The following ST6GALNAC6 variants were observed in gnomAD, a reference collection of about 807,000 sequenced individuals.
The protein encoded by ST6GALNAC6 is ST6 N-acetylgalactosaminide alpha-2,6-sialyltransferase 6.
ST6GALNAC6 carries 19 observed loss-of-function variants against 34.3 expected under a neutral mutation model. The ratio of observed to expected loss-of-function variants is 0.55; its 90% CI spans 0.39 to 0.81. ST6GALNAC6 has a LOEUF of 0.81. ST6GALNAC6 is among the 40% of genes least tolerant of loss of function. The pLI, the probability that ST6GALNAC6 is intolerant of heterozygous loss-of-function variation, is 0.00. For missense variants in ST6GALNAC6, 377 were observed against 467.7 expected (o/e 0.81, Z 1.79); for synonymous variants, 185 against 182.1 (o/e 1.02, Z -0.13).
At chr9:127,894,795 G>T in intron 3 of ST6GALNAC6, 104 bp from the exon 4 acceptor site, 2 of 1,338,454 alleles carry the variant, frequency 1.5e-6, no homozygotes, top group Non-Finnish European at 1.0e-6. Flanking sequence ...TTTTGTTGCA[G>T]ACCAGGTCAG....
chr9:127,902,106 C>CA (rs1445956831), upstream of ST6GALNAC6, among the ~76,000 whole-genome samples: 1 of 151,916 alleles, frequency 6.6e-6, no homozygotes, highest in South Asian at 2.1e-4. Flanking sequence ...TTAAAAGATG[C>CA]AAAAAAATAA....
At position 127,888,669 on chromosome 9, in the gene ST6GALNAC6, G is replaced by T. The variant is rs186412873; in HGVS notation, c.705-1078C>A. Among the ~76,000 whole-genome samples the T allele has an allele frequency of 5.4e-4, 82 of 152,130 alleles. No homozygotes were observed. The East Asian group carries it at 0.011, about 21-fold the overall frequency. On this transcript the variant is annotated intron_variant, in intron 5 of 6. Coordinates refer to ENST00000373146, the MANE Select transcript of ST6GALNAC6 (RefSeq NM_013443.5). ...TAAAAATACAAAAATTAGCTGGCGT[G>T]GTGGCACGTGCCTGTGATTCCAGCT...
At chr9:127,889,817 T>A (rs1830029765) in intron 5 of ST6GALNAC6, among the ~76,000 whole-genome samples, 1 of 152,216 alleles carries the variant, frequency 6.6e-6, no homozygotes, top group Non-Finnish European at 1.5e-5. Context: ...TTAATGCCAT[T>A]TATAATAGCT....
At chr9:127,891,833 A>T (rs919577498) in intron 4 of ST6GALNAC6, among the ~76,000 whole-genome samples, 1 of 150,850 alleles carries the variant, frequency 6.6e-6, no homozygotes, top group Admixed American at 6.6e-5. Context: ...CCAAAGAGCG[A>T]CTGCAGCCAG....
chr9:127,889,444 C>CTTTTTTTTT (rs200272209), intron 5 of ST6GALNAC6, among the ~76,000 whole-genome samples: 1 of 139,612 alleles, frequency 7.2e-6, no homozygotes, highest in Non-Finnish European at 1.5e-5. Context: ...TCTTTTTTTT[C>CTTTTTTTTT]TTTTTTTTTT....
rs200500949 is a variant in ST6GALNAC6, at chr9:127,890,940, C to T, written c.401G>A (p.Arg134His). The part of the protein sequence containing the change: ...PEIERAECTI[R>H]MNDAPTTGYS... The stretch of plus-strand genomic sequence containing the variant: ...GCCAGTGGTGGGTGCATCATTCATG[C>T]GGATTGTACACTCAGCCCGCTCGAT... The change falls in exon 5 of 7, where the codon CGC becomes CAC. Residue 134 changes from arginine (R) to histidine (H), a missense_variant. By Grantham distance (29) the Arg-to-His change is conservative. Transcript: ENST00000373146. The surrounding 1 kb of genome is among the most constrained non-coding windows in gnomAD (Gnocchi z 4.3). 13 of 1,614,126 alleles carry T rather than the reference C, an allele frequency of 8.1e-6. No homozygotes were observed. Among genetic ancestry groups the T allele is most frequent in the African/African-American group, 1.3e-5 (1 of 75,020 alleles).
intron 5 of ST6GALNAC6, among the ~76,000 whole-genome samples, chr9:127,889,444 C>CTTTTTTTTTTTTTTTTTT (rs200272209): frequency 7.2e-6 from 1 of 139,612 alleles, no homozygotes; most frequent in Non-Finnish European, 1.5e-5. Context: ...TCTTTTTTTT[C>CTTTTTTTTTTTTTTTTTT]TTTTTTTTTT....
rs911153444 is a variant in ST6GALNAC6 at position 127,886,339 on chromosome 9, C to T, written c.*260G>A. On this transcript the variant is annotated 3_prime_UTR_variant, in exon 7 of 7. Transcript: ENST00000373146. ...GCCTCAGATTGACTCAGAAATACCC[C>T]CTCTACCCTGATTGACTGTGCGCAG... 4 of 1,055,596 alleles carry T rather than the reference C, an allele frequency of 3.8e-6. No individual in the cohort carries two copies. The Admixed American group carries it at 9.1e-5, about 24-fold the overall frequency. 65.4% of individuals were successfully genotyped at this position (1,055,596 alleles called of 1,614,324 possible). A position where few individuals can be genotyped will look rare whatever the true frequency, so the allele number is the denominator to read the frequency against.
At chr9:127,893,983 G>T (rs867731049) in intron 4 of ST6GALNAC6, among the ~76,000 whole-genome samples, 2 of 152,118 alleles carry the variant, frequency 1.3e-5, no homozygotes, top group Non-Finnish European at 1.5e-5. Context: ...TCTTAGCAGC[G>T]GGTAGGAAAA....
intron 1 of ST6GALNAC6, among the ~76,000 whole-genome samples, chr9:127,898,760 T>C (rs1372374289): frequency 6.6e-6 from 1 of 152,240 alleles, no homozygotes; most frequent in African/African-American, 2.4e-5. Flanking sequence ...GGGCTGAGCC[T>C]GACTTCGTCT....
chr9:127,890,999 G>A lies in ST6GALNAC6; in HGVS notation c.342C>T (p.Ser114=). ...RCHQCVIVSS[S]SHLLGTKLGP... is the part of the protein sequence containing the mutation. The stretch of plus-strand genomic sequence containing the variant: ...CCAGCTTGGTGCCCAGCAGGTGGCT[G>A]GAGCTGCTGACAATCACACACTGGT... Residue 114 remains serine (S), a synonymous_variant, in exon 5 of 7, where the codon TCC becomes TCT. Transcript: ENST00000373146. The surrounding 1 kb of genome is among the most constrained non-coding windows in gnomAD (Gnocchi z 4.3). 1 of 1,614,148 alleles carries A rather than the reference G, an allele frequency of 6.2e-7. No individual in the cohort carries two copies.
intron 4 of ST6GALNAC6, 71 bp downstream of exon 4, chr9:127,894,441 T>A: frequency 1.9e-6 from 3 of 1,552,296 alleles, no homozygotes; most frequent in South Asian, 1.2e-5. Flanking sequence ...ACCTTTCCTT[T>A]AGGAAAGAAC....
intron 1 of ST6GALNAC6, chr9:127,905,073 A>C: frequency 2.9e-6 from 1 of 348,076 alleles, no homozygotes; most frequent in Non-Finnish European, 4.0e-6. Flanking sequence ...GCTTGGAGGA[A>C]GTAGGGTAGG....
At position 127,899,573 on chromosome 9, in the gene ST6GALNAC6, G is replaced by C. The variant is rs1830673433; in HGVS notation, c.-100C>G. ...ACATGGCGCCGGGAGCCGAGCGCCG[G>C]GGTCCGCGCTCCTCAGGCCGCCCAG... On this transcript the variant is annotated 5_prime_UTR_variant, in exon 1 of 7. Coordinates refer to ENST00000373146, the MANE Select transcript of ST6GALNAC6 (RefSeq NM_013443.5). 1 of 981,130 alleles carries C rather than the reference G, an allele frequency of 1.0e-6. No homozygotes were observed. The highest frequency in any genetic ancestry group is 1.2e-6 in the Non-Finnish European group (1 of 828,268). The allele number at this position is 981,130 out of a possible 1,614,324, so 60.8% of individuals were successfully genotyped here.
intron 6 of ST6GALNAC6, 105 bp downstream of exon 6, chr9:127,887,379 A>G (rs1240817344): frequency 1.7e-5 from 14 of 806,078 alleles, no homozygotes; most frequent in Non-Finnish European, 2.9e-5. Context: ...AATGAAGCAG[A>G]GGCCCTCAAA....
At chr9:127,901,131 G>A (rs950360094), upstream of ST6GALNAC6, among the ~76,000 whole-genome samples, 8 of 151,938 alleles carry the variant, frequency 5.3e-5, no homozygotes, top group African/African-American at 1.7e-4. Flanking sequence ...TCGCTATGGG[G>A]AAAAACCCCA....
intron 6 of ST6GALNAC6, among the ~76,000 whole-genome samples, chr9:127,887,041 G>A (rs1386907023): frequency 1.3e-5 from 2 of 151,240 alleles, no homozygotes; most frequent in Non-Finnish European, 2.9e-5. Context: ...GGTGAGGGCT[G>A]TGAGCACTGG....
chr9:127,901,538 G>A (rs1830759627), upstream of ST6GALNAC6, among the ~76,000 whole-genome samples: 1 of 152,108 alleles, frequency 6.6e-6, no homozygotes, highest in African/African-American at 2.4e-5. Flanking sequence ...AACCTGAGAG[G>A]CGGGAGGCAG....
chr9:127,887,622 A>G (rs1192813033), intron 5 of ST6GALNAC6, 31 bp from the exon 6 acceptor site: 1 of 1,560,496 alleles, frequency 6.4e-7, no homozygotes. Context: ...CGATGAGGGC[A>G]CATGCAGGGA....
Sources: allele counts gnomAD v4.1 joint callset (sites outside exome capture counted in the v4.1 genomes callset), GRCh38; gene constraint gnomAD v4.1.1; non-coding constraint Gnocchi (gnomAD v3.1); transcripts MANE v1.5; gene names NCBI Gene and HGNC (gene_info 2026-07-23, HGNC 2026-07-21).